The following CAPRIN2 variants were observed in gnomAD, a reference collection of about 807,000 sequenced individuals.
CAPRIN2 encodes caprin-2.
In CAPRIN2, 66 loss-of-function variants were observed where a neutral mutation model predicts 130.4. That is an observed-to-expected ratio of 0.51 (90% CI 0.42 to 0.62). The LOEUF (loss-of-function observed/expected upper bound fraction) is 0.62, where lower values mean the gene tolerates loss of function less well. Among genes scored for constraint, CAPRIN2 ranks in the 20% least tolerant of loss-of-function variants. The pLI is 0.00. For synonymous variants in CAPRIN2, 471 were observed against 444.1 expected, an observed-to-expected ratio of 1.06 and a Z score of -0.76; for missense variants, 1,185 against 1,246.6, an observed-to-expected ratio of 0.95 and a Z score of 0.74.
exon 3 of CAPRIN2, chr12:30,741,026 G>T (rs767136674): frequency 6.2e-7 from 1 of 1,602,914 alleles, no homozygotes; most frequent in African/African-American, 1.3e-5. Context: ...TCACATCTAG[G>T]CTCAACCCAG....
chr12:30,714,200 T>C (rs10771760), intron 14 of CAPRIN2, among the ~76,000 whole-genome samples: 43,627 of 152,064 alleles, frequency 0.29, 6,454 homozygotes, highest in Non-Finnish European at 0.33. Context: ...TGCTTTTTTA[T>C]AGGCAGTGCC....
chr12:30,743,533 G>C (rs1188645572), intron 2 of CAPRIN2, among the ~76,000 whole-genome samples: 1 of 152,098 alleles, frequency 6.6e-6, no homozygotes, highest in Non-Finnish European at 1.5e-5. Context: ...CTGCTCTACA[G>C]ACATTTCTTG....
chr12:30,739,714 CAAA>C (rs370274976), intron 3 of CAPRIN2, among the ~76,000 whole-genome samples: 6 of 113,704 alleles, frequency 5.3e-5, no homozygotes, highest in Admixed American at 9.6e-5. Flanking sequence ...GACTCCGTCT[CAAA>C]AAAAAAAAAA....
chr12:30,710,948 CTTTT>C lies in CAPRIN2; in HGVS notation c.2666-482_2666-479del, dbSNP rs1199488712. 6.6e-6 allele frequency among the ~76,000 whole-genome samples: 1 copy of C among 152,122 alleles called. No individual in the cohort carries two copies. The highest frequency in any genetic ancestry group is 2.4e-5 in the African/African-American group (1 of 41,420). Reference sequence around the variant, plus strand: ...GAACTAAGTCCCATGATGATGAATGCTTTTTTTATTTCCAAGTCATACACTTGTA... The same window carrying C: ...GAACTAAGTCCCATGATGATGAATGCTTTATTTCCAAGTCATACACTTGTA... On this transcript the variant is annotated intron_variant, in intron 16 of 16. Coordinates refer to ENST00000298892, the Ensembl canonical transcript of CAPRIN2. This position sits in a 1 kb window ranked among gnomAD's most constrained non-coding sequence, Gnocchi z 4.8.
chr12:30,719,064 A>G lies in CAPRIN2; in HGVS notation c.2148+1747T>C, dbSNP rs199677142. The G allele has an allele frequency of 6.2e-7, 1 of 1,609,948 alleles. No homozygotes were observed. Among genetic ancestry groups the G allele is most frequent in the Admixed American group, 1.7e-5 (1 of 59,760 alleles). The stretch of plus-strand genomic sequence containing the variant: ...GAATAATGAACTGCAATCATCATTC[A>G]TGTTTCATACTCACTGTCTGCATGG... On this transcript the variant is annotated intron_variant, in intron 12 of 16. Coordinates refer to ENST00000298892, the Ensembl canonical transcript of CAPRIN2.
chr12:30,754,382 C>T (rs150059543), exon 1 of CAPRIN2: 3 of 153,152 alleles, frequency 2.0e-5, no homozygotes, highest in Non-Finnish European at 2.9e-5. Flanking sequence ...CTTTCTCCCC[C>T]CTTAGGAGCA....
intron 10 of CAPRIN2, among the ~76,000 whole-genome samples, chr12:30,723,604 A>G (rs1388338086): frequency 6.6e-6 from 1 of 152,218 alleles, no homozygotes; most frequent in Non-Finnish European, 1.5e-5. Flanking sequence ...ATAACTGATA[A>G]TAGTGACCAG....
intron 11 of CAPRIN2, 93 bp downstream of exon 12, chr12:30,723,165 AG>A: frequency 1.2e-6 from 1 of 825,324 alleles, no homozygotes; most frequent in South Asian, 1.5e-5. Context: ...TAATTTCATT[AG>A]GTACATGAGA....
exon 17 of CAPRIN2, chr12:30,709,886 A>G: frequency 6.3e-7 from 1 of 1,585,082 alleles, no homozygotes; most frequent in Non-Finnish European, 8.6e-7. Context: ...TTTTATTGTC[A>G]ATACTGTACT....
intron 3 of CAPRIN2, among the ~76,000 whole-genome samples, chr12:30,737,691 G>A (rs1375279824): frequency 1.3e-5 from 2 of 149,024 alleles, no homozygotes; most frequent in South Asian, 4.3e-4. Context: ...TCTGCCTCCC[G>A]GGTTCACGCC....
At chr12:30,716,930 G>A (rs1325259591) in intron 12 of CAPRIN2, among the ~76,000 whole-genome samples, 1 of 152,158 alleles carries the variant, frequency 6.6e-6, no homozygotes, top group Non-Finnish European at 1.5e-5. Context: ...TTATCAAAAA[G>A]ACAGAAAATA....
chr12:30,733,148 G>C (rs2063318668), intron 5 of CAPRIN2, among the ~76,000 whole-genome samples: 1 of 151,954 alleles, frequency 6.6e-6, no homozygotes, highest in Admixed American at 6.6e-5. Context: ...TGGTCATTTG[G>C]CCAAAGTCTA....
chr12:30,724,133 G>A (rs1255491670), intron 10 of CAPRIN2, among the ~76,000 whole-genome samples: 1 of 152,140 alleles, frequency 6.6e-6, no homozygotes, highest in Non-Finnish European at 1.5e-5. Context: ...CAGCTATTGA[G>A]TATTTCCATT....
intron 2 of CAPRIN2, among the ~76,000 whole-genome samples, chr12:30,743,893 ATT>A (rs1468293035): frequency 1.3e-5 from 2 of 152,096 alleles, no homozygotes. Flanking sequence ...TACAGGTGAT[ATT>A]TCTATCGGCT....
At chr12:30,733,003 T>C (rs543986485) in intron 5 of CAPRIN2, among the ~76,000 whole-genome samples, 39 of 152,264 alleles carry the variant, frequency 2.6e-4, no homozygotes, top group Non-Finnish European at 4.3e-4. Flanking sequence ...AATCTTAAGA[T>C]AGTTATAGAT....
intron 3 of CAPRIN2, among the ~76,000 whole-genome samples, chr12:30,736,752 A>G (rs1378627066): frequency 6.6e-6 from 1 of 152,212 alleles, no homozygotes; most frequent in African/African-American, 2.4e-5. Context: ...GACTGCATCA[A>G]TAACACTTAC....
In CAPRIN2 at chr12:30,731,410, C is replaced by T. The variant is rs1442142959; in HGVS notation, c.993G>A (p.Glu331=). 1.9e-6 allele frequency: 3 copies of T among 1,613,032 alleles called. No individual in the cohort carries two copies. The South Asian group carries it at 3.3e-5, about 18-fold the overall frequency. ...TCTCTGATTGTATTAGCATTTCTTC[C>T]TCCAGTGGTACTTCCTTTTCCTTGG... The change falls in exon 6 of 17, where the codon GAG becomes GAA. Residue 331 remains glutamate (E), a synonymous_variant. Coordinates refer to ENST00000298892, the Ensembl canonical transcript of CAPRIN2.
At chr12:30,730,263 G>C (rs1257797848) in exon 7 of CAPRIN2, 2 of 1,611,162 alleles carry the variant, frequency 1.2e-6, no homozygotes, top group Non-Finnish European at 1.7e-6. Context: ...TCTCTGGCTG[G>C]GCAAATTCCA....
chr12:30,741,398 T>C (rs1470775206), intron 2 of CAPRIN2, among the ~76,000 whole-genome samples: 1 of 152,158 alleles, frequency 6.6e-6, no homozygotes, highest in East Asian at 1.9e-4. Context: ...TTGGTTTTAA[T>C]AGCACTGAGC....
Sources: gnomAD v4.1 joint callset for allele counts (sites outside exome capture counted in the v4.1 genomes callset) on GRCh38, gnomAD v4.1.1 for gene constraint, Gnocchi (gnomAD v3.1) non-coding constraint, MANE v1.5 for transcripts, NCBI Gene and HGNC (gene_info 2026-07-23, HGNC 2026-07-21) for gene names.